SETD2: variants seen among roughly 807,000 people sequenced by gnomAD.
SETD2 encodes the protein histone-lysine N-methyltransferase SETD2.
SETD2 carries 31 observed loss-of-function variants against 242.1 expected under a neutral mutation model. The observed-to-expected ratio is 0.13, with a 90% CI of 0.10 to 0.17. The LOEUF is 0.17. SETD2 is among the 10% of genes least tolerant of loss of function. The probability of loss-of-function intolerance (pLI) is 1.00; values close to 1 mark genes in which losing one functional copy is unlikely to be tolerated. For missense variants in SETD2, 2,481 were observed against 3,046.3 expected, an observed-to-expected ratio of 0.81 and a Z score of 4.37; for synonymous variants, 1,006 against 1,066.5, an observed-to-expected ratio of 0.94 and a Z score of 1.11.
chr3:47,138,348 C>T, intron 1 of SETD2: 1 of 217,830 alleles, frequency 4.6e-6, no homozygotes, highest in Non-Finnish European at 9.9e-6. Context: ...CAGCTCACTG[C>T]AACCTCCACC....
At chr3:47,127,004 T>C (rs191429022) in intron 1 of SETD2, among the ~76,000 whole-genome samples, 6 of 152,176 alleles carry the variant, frequency 3.9e-5, no homozygotes, top group Non-Finnish European at 7.4e-5. Context: ...GAAATATATA[T>C]AGTAAGGCAG....
At chr3:47,139,352 ATAC>A (rs896579223) in intron 1 of SETD2, among the ~76,000 whole-genome samples, 6 of 152,234 alleles carry the variant, frequency 3.9e-5, no homozygotes, top group Admixed American at 6.5e-5. Flanking sequence ...ACCTTTCCAG[ATAC>A]TACTACTAAA....
chr3:47,130,573 G>A (rs1418316613), intron 1 of SETD2, among the ~76,000 whole-genome samples: 4 of 151,992 alleles, frequency 2.6e-5, no homozygotes, highest in Non-Finnish European at 4.4e-5. Context: ...CACTTGTTTC[G>A]GTAAATAATA....
chr3:47,054,123 G>A (rs188496044), intron 15 of SETD2, among the ~76,000 whole-genome samples: 9 of 152,238 alleles, frequency 5.9e-5, no homozygotes, highest in South Asian at 2.1e-4. Context: ...AGTGGGGAAC[G>A]GAAGGATAGT....
At chr3:47,113,844 AG>A (rs764007051) in intron 5 of SETD2, 31 bp downstream of exon 5, 1 of 1,600,380 alleles carries the variant, frequency 6.2e-7, no homozygotes, top group South Asian at 1.1e-5. Flanking sequence ...GTCTCAAAAA[AG>A]GAAGTGAAAG....
chr3:47,045,046 G>A (rs1575679713), intron 16 of SETD2, among the ~76,000 whole-genome samples: 2 of 152,170 alleles, frequency 1.3e-5, no homozygotes, highest in African/African-American at 2.4e-5. Context: ...TCAGATAAGG[G>A]ATACTCAACC....
intron 12 of SETD2, among the ~76,000 whole-genome samples, chr3:47,068,926 C>G (rs530126154): frequency 6.6e-6 from 1 of 152,172 alleles, no homozygotes; most frequent in East Asian, 1.9e-4. Context: ...TCCCCAGTAA[C>G]TGGGATTACA....
intron 13 of SETD2, among the ~76,000 whole-genome samples, chr3:47,066,078 TTCC>T (rs939953366): frequency 2.6e-5 from 4 of 152,232 alleles, no homozygotes; most frequent in African/African-American, 9.7e-5. Flanking sequence ...ATCCCTCTTC[TTCC>T]TCGTCAGTCT....
chr3:47,061,428 G>A (rs1575707845), intron 14 of SETD2, among the ~76,000 whole-genome samples: 1 of 152,026 alleles, frequency 6.6e-6, no homozygotes, highest in South Asian at 2.1e-4. Context: ...ACCTTTTCAA[G>A]GACAGCACCT....
At chr3:47,056,370 G>A (rs551038424) in intron 15 of SETD2, among the ~76,000 whole-genome samples, 4 of 151,908 alleles carry the variant, frequency 2.6e-5, no homozygotes, top group South Asian at 2.1e-4. Flanking sequence ...CAGGTGATCC[G>A]TCCACCTCGG....
chr3:47,048,322 G>A (rs1028051825), intron 15 of SETD2, among the ~76,000 whole-genome samples: 1 of 152,194 alleles, frequency 6.6e-6, no homozygotes, highest in Admixed American at 6.5e-5. Context: ...CCAGGAGGTA[G>A]AGGTTGCAGT....
chr3:47,143,071 CA>C (rs2043770614), intron 1 of SETD2, among the ~76,000 whole-genome samples: 1 of 152,272 alleles, frequency 6.6e-6, no homozygotes, highest in Admixed American at 6.5e-5. Flanking sequence ...GCTGGAGGAT[CA>C]CTTGAGCCCA....
At chr3:47,058,465 C>CAAAAAAAAA (rs1448864045) in intron 14 of SETD2, among the ~76,000 whole-genome samples, 2 of 76,156 alleles carry the variant, frequency 2.6e-5, no homozygotes, top group African/African-American at 1.1e-4. Flanking sequence ...AAAAAAAAAA[C>CAAAAAAAAA]ACAAAGAGGG....
chr3:47,119,892 G>T, intron 3 of SETD2: 1 of 458,276 alleles, frequency 2.2e-6, no homozygotes, highest in Non-Finnish European at 4.1e-6. Flanking sequence ...ACATGTAAAA[G>T]GAATTACAGA....
chr3:47,061,631 T>C (rs576087161), intron 14 of SETD2, among the ~76,000 whole-genome samples: 13 of 152,324 alleles, frequency 8.5e-5, no homozygotes, highest in African/African-American at 3.1e-4. Context: ...AAATGCAGTA[T>C]ATAAATGCTT....
chr3:47,083,019 C>G (rs563082120), intron 12 of SETD2, among the ~76,000 whole-genome samples: 4 of 152,182 alleles, frequency 2.6e-5, no homozygotes, highest in African/African-American at 9.7e-5. Context: ...AGATCACTTA[C>G]AAATGAAATG....
chr3:47,127,522 G>C (rs1301462939), intron 1 of SETD2: 2 of 447,468 alleles, frequency 4.5e-6, no homozygotes, highest in Admixed American at 4.8e-5. Flanking sequence ...GAGTTCAGGA[G>C]TTCGAGACCA....
Position 47,122,682 on chromosome 3 carries a change from A to C in SETD2, c.1954T>G (p.Leu652Val), listed in dbSNP as rs1458709475. 2.5e-6 allele frequency: 4 copies of C among 1,613,410 alleles called. No homozygotes were observed. The highest frequency in any genetic ancestry group is 3.3e-5 in the Admixed American group (2 of 59,964). The change falls in exon 3 of 21, where the codon TTA (leucine) becomes GTA (valine). Residue 652 changes from leucine to valine, a missense_variant. Physicochemically the swap from Leu to Val is conservative, Grantham distance 32. This residue lies in a region of SETD2 where 1,300 missense variants were observed against 1,259.2 expected (regional missense o/e 1.03). Coordinates refer to ENST00000409792, the MANE Select transcript of SETD2 (RefSeq NM_014159.7). ...TTCTTCACTTTAGATAAAGAGTCTA[A>C]TTCCTTAATACTATCATGGCTATCA... Reference protein sequence around the residue: ...THDSHDSIKELDSLSKVKNDQ... With the variant: ...THDSHDSIKEVDSLSKVKNDQ...
chr3:47,046,845 T>A, intron 15 of SETD2: 1 of 310,272 alleles, frequency 3.2e-6, no homozygotes, highest in Non-Finnish European at 5.8e-6. Context: ...TACTTTATCA[T>A]AAGAAAATAA....
Sources: gnomAD v4.1 joint callset for allele counts (sites outside exome capture counted in the v4.1 genomes callset) on GRCh38, gnomAD v4.1.1 for gene constraint, gnomAD v4.1.1 regional missense constraint, MANE v1.5 for transcripts, NCBI Gene and HGNC (gene_info 2026-07-23, HGNC 2026-07-21) for gene names.